The following STK32B variants were observed in gnomAD, a reference collection of about 807,000 sequenced individuals.
STK32B encodes serine/threonine-protein kinase 32B.
Under a neutral mutation model 52.6 loss-of-function variants are expected in STK32B, and 43 were observed. That is an observed-to-expected ratio of 0.82 (90% CI 0.64 to 1.05). STK32B has a LOEUF of 1.05. Among genes scored for constraint, STK32B ranks in the 50% least tolerant of loss-of-function variants. The pLI is 0.00. For missense variants in STK32B, 621 were observed against 534.6 expected, an observed-to-expected ratio of 1.16 and a Z score of -1.59; for synonymous variants, 238 against 204.3, an observed-to-expected ratio of 1.17 and a Z score of -1.41.
chr4:5,185,093 G>A (rs1577157851), intron 3 of STK32B, among the ~76,000 whole-genome samples: 1 of 152,202 alleles, frequency 6.6e-6, no homozygotes, highest in East Asian at 1.9e-4. Context: ...TGCGTTTTTA[G>A]CATTAGACTG....
At chr4:5,285,253 A>G (rs1011613004) in intron 3 of STK32B, among the ~76,000 whole-genome samples, 3 of 152,186 alleles carry the variant, frequency 2.0e-5, no homozygotes, top group African/African-American at 7.2e-5. Context: ...CAAAAATTAT[A>G]CATAGATTTT....
rs1404417823 is a variant in STK32B at position 5,395,665 on chromosome 4, C to T, written c.435-2542C>T. On this transcript the variant is annotated intron_variant, in intron 4 of 11. Coordinates refer to ENST00000282908, the MANE Select transcript of STK32B (RefSeq NM_018401.3). This position sits in a 1 kb window ranked among gnomAD's most constrained non-coding sequence, Gnocchi z 4.4. ...TTCATGACCGCAAAGGGGACACCCCCGTAAATGCTTGAGATTCCACTCTGT... is the reference window on the plus strand; with the variant it reads ...TTCATGACCGCAAAGGGGACACCCCTGTAAATGCTTGAGATTCCACTCTGT... 6.6e-5 allele frequency among the ~76,000 whole-genome samples: 10 copies of T among 152,176 alleles called. No individual in the cohort carries two copies. The highest frequency in any genetic ancestry group is 1.3e-4 in the Non-Finnish European group (9 of 68,042).
Position 5,306,157 on chromosome 4 carries a change from G to A in STK32B, c.261-25063G>A, listed in dbSNP as rs184565704. ...TATCTTGGAGAATGTTCCATGTGCT[G>A]ATGAAAAGAATGTATATTCTGCAGT... On this transcript the variant is annotated intron_variant, in intron 3 of 11. Transcript: ENST00000282908. Among the ~76,000 whole-genome samples, 5 of 152,218 alleles carry A rather than the reference G, an allele frequency of 3.3e-5. No homozygotes were observed. In the East Asian group the frequency reaches 9.6e-4, roughly 29 times the overall value.
chr4:5,302,537 C>T (rs1041217630), intron 3 of STK32B, among the ~76,000 whole-genome samples: 1 of 152,022 alleles, frequency 6.6e-6, no homozygotes, highest in African/African-American at 2.4e-5. Context: ...TGTATGGAAA[C>T]CCAATTAATA....
chr4:5,284,769 T>A (rs1459898287), intron 3 of STK32B, among the ~76,000 whole-genome samples: 43 of 152,200 alleles, frequency 2.8e-4, no homozygotes. Flanking sequence ...CGTGAGCAGC[T>A]CATCTTTCCA....
At chr4:5,448,404 G>A (rs960302372) in intron 7 of STK32B, among the ~76,000 whole-genome samples, 9 of 152,172 alleles carry the variant, frequency 5.9e-5, no homozygotes, top group East Asian at 1.9e-4. Context: ...CCACGATGTC[G>A]TAGGAACCAG....
intron 11 of STK32B, among the ~76,000 whole-genome samples, chr4:5,490,216 C>T (rs112506731): frequency 3.1e-4 from 47 of 151,958 alleles, no homozygotes; most frequent in African/African-American, 1.0e-3. Context: ...AAGCAATTCT[C>T]CTGCCTCAGC....
intron 3 of STK32B, among the ~76,000 whole-genome samples, chr4:5,239,287 G>T (rs1212384255): frequency 6.6e-6 from 1 of 152,120 alleles, no homozygotes; most frequent in African/African-American, 2.4e-5. Context: ...CTGGCTGCTG[G>T]GCAAATAATG....
At chr4:5,057,525 A>G (rs532066926) in intron 1 of STK32B, among the ~76,000 whole-genome samples, 12 of 152,202 alleles carry the variant, frequency 7.9e-5, no homozygotes, top group Non-Finnish European at 1.8e-4. Flanking sequence ...CTTTCTAGGT[A>G]AGACAAAATT....
intron 1 of STK32B, among the ~76,000 whole-genome samples, chr4:5,139,233 A>G (rs1716257857): frequency 6.6e-6 from 1 of 152,188 alleles, no homozygotes; most frequent in Admixed American, 6.5e-5. Flanking sequence ...GGTTTTGCAC[A>G]TATAGGACCA....
At chr4:5,324,492 A>G (rs757664789) in intron 3 of STK32B, among the ~76,000 whole-genome samples, 1 of 152,164 alleles carries the variant, frequency 6.6e-6, no homozygotes, top group Non-Finnish European at 1.5e-5. Context: ...AGGCTTCTTA[A>G]AGGAGGGAGC....
Position 5,489,551 on chromosome 4 carries a change from AC to A in STK32B, c.1107-9393del, listed in dbSNP as rs199975927. ...CTGATAAGTAAACCCAGGCAAAAAAACGTATGTAGACAATTATGAAGACATT... is the reference window on the plus strand; with the variant it reads ...CTGATAAGTAAACCCAGGCAAAAAAAGTATGTAGACAATTATGAAGACATT... On this transcript the variant is annotated intron_variant, in intron 11 of 11. Coordinates refer to ENST00000282908, the MANE Select transcript of STK32B (RefSeq NM_018401.3). Among the ~76,000 whole-genome samples, 1,204 of 152,304 alleles carry A rather than the reference AC, an allele frequency of 7.9e-3. 9 individuals carry two copies. The highest frequency in any genetic ancestry group is 0.012 in the Admixed American group (189 of 15,292).
In STK32B at chr4:5,394,179, G is replaced by A. The variant is rs1050794883; in HGVS notation, c.435-4028G>A. Among the ~76,000 whole-genome samples, 4 of 152,108 alleles carry A rather than the reference G, an allele frequency of 2.6e-5. No individual in the cohort carries two copies. The highest frequency in any genetic ancestry group is 4.4e-5 in the Non-Finnish European group (3 of 68,018). The stretch of plus-strand genomic sequence containing the variant: ...TATCCCAGCTGACATTTTATGCTTT[G>A]TTTTATTTGAGGGCTGGGGAATAAT... On this transcript the variant is annotated intron_variant, in intron 4 of 11. Transcript: ENST00000282908. This position sits in a 1 kb window ranked among gnomAD's most constrained non-coding sequence, Gnocchi z 4.2.
At chr4:5,266,268 C>T (rs1727052083) in intron 3 of STK32B, among the ~76,000 whole-genome samples, 1 of 152,160 alleles carries the variant, frequency 6.6e-6, no homozygotes, top group Non-Finnish European at 1.5e-5. Flanking sequence ...CACAGTCTGT[C>T]CCTAGAGAAA....
intron 3 of STK32B, among the ~76,000 whole-genome samples, chr4:5,324,502 C>T (rs189796086): frequency 3.3e-5 from 5 of 152,244 alleles, no homozygotes; most frequent in Admixed American, 2.6e-4. Flanking sequence ...AAGGAGGGAG[C>T]GTCAGTCTTA....
chr4:5,210,465 T>A (rs1011363542), intron 3 of STK32B, among the ~76,000 whole-genome samples: 2 of 152,186 alleles, frequency 1.3e-5, no homozygotes, highest in African/African-American at 4.8e-5. Context: ...CACAGATAAT[T>A]CATTTTCCTT....
intron 3 of STK32B, among the ~76,000 whole-genome samples, chr4:5,326,451 T>C (rs1731878687): frequency 6.6e-6 from 1 of 152,190 alleles, no homozygotes; most frequent in Admixed American, 6.5e-5. Flanking sequence ...TCTGACTAGG[T>C]GGGAGCCAGT....
intron 3 of STK32B, among the ~76,000 whole-genome samples, chr4:5,228,134 CA>C (rs1291695189): frequency 2.0e-5 from 3 of 152,028 alleles, no homozygotes; most frequent in Non-Finnish European, 2.9e-5. Flanking sequence ...AGTATTTCAC[CA>C]CCAATGTGTT....
At chr4:5,272,306 T>A (rs1468870880) in intron 3 of STK32B, among the ~76,000 whole-genome samples, 2 of 149,172 alleles carry the variant, frequency 1.3e-5, no homozygotes, top group African/African-American at 5.0e-5. Context: ...CTCGATTACA[T>A]TTATTGATTT....
Sources: gnomAD v4.1 joint callset for allele counts (sites outside exome capture counted in the v4.1 genomes callset) on GRCh38, gnomAD v4.1.1 for gene constraint, Gnocchi (gnomAD v3.1) non-coding constraint, MANE v1.5 for transcripts, NCBI Gene and HGNC (gene_info 2026-07-23, HGNC 2026-07-21) for gene names.